Variants in DPP10 observed in about 807,000 individuals in gnomAD.
The protein encoded by DPP10 is dipeptidyl peptidase like 10, also known as inactive dipeptidyl peptidase 10.
Under a neutral mutation model 120.9 loss-of-function variants are expected in DPP10, and 33 were observed. The observed-to-expected ratio is 0.27, with a 90% CI of 0.21 to 0.37. The LOEUF is 0.37. Ranked by LOEUF, DPP10 falls within the 10% of genes least tolerant of loss-of-function variation. The pLI is 1.00. For synonymous variants in DPP10, 337 were observed against 326.1 expected, an observed-to-expected ratio of 1.03 and a Z score of -0.36; for missense variants, 816 against 942.8, an observed-to-expected ratio of 0.87 and a Z score of 1.76.
At chr2:114,771,009 G>A (rs770694037) in intron 1 of DPP10, among the ~76,000 whole-genome samples, 2 of 152,140 alleles carry the variant, frequency 1.3e-5, no homozygotes, top group Admixed American at 6.6e-5. Flanking sequence ...GGATATGAAT[G>A]TTATGTTTAA....
chr2:115,155,265 A>G (rs1019991786), intron 1 of DPP10, among the ~76,000 whole-genome samples: 3 of 152,184 alleles, frequency 2.0e-5, no homozygotes, highest in African/African-American at 7.2e-5. Flanking sequence ...GCAGTGAGAT[A>G]GACACTACAA....
rs377205655 is a variant in DPP10 at position 115,218,580 on chromosome 2, T to A, written c.61-90659T>A. 1.2e-3 allele frequency among the ~76,000 whole-genome samples: 182 copies of A among 152,274 alleles called. 1 individual carries two copies. Among genetic ancestry groups the A allele is most frequent in the African/African-American group, 4.1e-3 (170 of 41,580 alleles). On this transcript the variant is annotated intron_variant, in intron 1 of 25. Coordinates refer to ENST00000410059, the MANE Select transcript of DPP10 (RefSeq NM_020868.6). Reference sequence around the variant, plus strand: ...ATTTTGTACTTCAACAAGATCCTGTTCCATTCCAGTTCATTGCATCAGGCT... The same window carrying A: ...ATTTTGTACTTCAACAAGATCCTGTACCATTCCAGTTCATTGCATCAGGCT...
chr2:114,566,139 G>A (rs1002324916), intron 1 of DPP10, among the ~76,000 whole-genome samples: 8 of 152,146 alleles, frequency 5.3e-5, no homozygotes, highest in African/African-American at 1.9e-4. Context: ...ATTATCAGAA[G>A]CGTTTTTTCC....
At position 115,620,264 on chromosome 2, in the gene DPP10, A is replaced by G. The variant is rs181102216; in HGVS notation, c.442-69423A>G. Among the ~76,000 whole-genome samples the G allele has an allele frequency of 4.2e-3, 633 of 152,298 alleles. 2 individuals are homozygous for G. The highest frequency in any genetic ancestry group is 0.015 in the African/African-American group (607 of 41,558). ...TTACACACACGCCCACACATTATTTATGCTCAAAAGAATGATCTGTTATGA... is the reference window on the plus strand; with the variant it reads ...TTACACACACGCCCACACATTATTTGTGCTCAAAAGAATGATCTGTTATGA... On this transcript the variant is annotated intron_variant, in intron 5 of 25. Transcript: ENST00000410059.
At chr2:115,015,025 A>G (rs1702533932) in intron 1 of DPP10, among the ~76,000 whole-genome samples, 1 of 152,166 alleles carries the variant, frequency 6.6e-6, no homozygotes, top group Non-Finnish European at 1.5e-5. Context: ...TCCTGATACC[A>G]AAAACTAGCA....
At chr2:115,260,558 CAGTG>C (rs2059207683) in intron 1 of DPP10, among the ~76,000 whole-genome samples, 1 of 152,156 alleles carries the variant, frequency 6.6e-6, no homozygotes, top group Admixed American at 6.5e-5. Flanking sequence ...TTAAAAATCT[CAGTG>C]AGAAGTACTG....
chr2:115,242,331 A>G (rs2058324554), intron 1 of DPP10, among the ~76,000 whole-genome samples: 2 of 622 alleles, frequency 3.2e-3, no homozygotes, highest in Admixed American at 0.028. Context: ...AATGCCATTA[A>G]TTCACATTTT....
At chr2:115,484,007 A>T (rs2075610687) in intron 3 of DPP10, among the ~76,000 whole-genome samples, 1 of 152,034 alleles carries the variant, frequency 6.6e-6, no homozygotes, top group Admixed American at 6.6e-5. Flanking sequence ...AGACAAAATC[A>T]TTTTTCTCCA....
intron 5 of DPP10, among the ~76,000 whole-genome samples, chr2:115,672,654 T>TTCTTTC (rs1553475921): frequency 3.5e-5 from 2 of 57,008 alleles, no homozygotes; most frequent in East Asian, 1.0e-3. Context: ...CTCTCTCTCT[T>TTCTTTC]TCTTTCTTTC....
intron 2 of DPP10, among the ~76,000 whole-genome samples, chr2:115,316,010 T>TAA (rs1247891208): frequency 1.3e-5 from 2 of 152,216 alleles, no homozygotes; most frequent in Admixed American, 6.5e-5. Flanking sequence ...CTCATAATGT[T>TAA]AGAGTGTCCA....
chr2:115,458,371 CT>C (rs1306593256), intron 3 of DPP10, among the ~76,000 whole-genome samples: 3 of 152,076 alleles, frequency 2.0e-5, no homozygotes, highest in Non-Finnish European at 4.4e-5. Flanking sequence ...GATTCCATTT[CT>C]GTATTGAATT....
At chr2:115,450,817 C>A (rs1295715034) in intron 3 of DPP10, among the ~76,000 whole-genome samples, 2 of 151,814 alleles carry the variant, frequency 1.3e-5, no homozygotes, top group South Asian at 4.1e-4. Context: ...CTACATATAT[C>A]TCTCTCTTTC....
chr2:114,976,645 T>C (rs1456441068), intron 1 of DPP10, among the ~76,000 whole-genome samples: 1 of 152,216 alleles, frequency 6.6e-6, no homozygotes, highest in Non-Finnish European at 1.5e-5. Flanking sequence ...GAAAACAGCA[T>C]ACTTTTTCCC....
intron 7 of DPP10, among the ~76,000 whole-genome samples, chr2:115,700,106 ACT>A (rs1184273531): frequency 6.6e-6 from 1 of 152,144 alleles, no homozygotes; most frequent in East Asian, 1.9e-4. Context: ...GTTACCACAC[ACT>A]TTTAAACAAA....
chr2:114,832,117 C>T (rs946769878), intron 1 of DPP10, among the ~76,000 whole-genome samples: 3 of 151,998 alleles, frequency 2.0e-5, no homozygotes, highest in Non-Finnish European at 4.4e-5. Context: ...ATGAAATACT[C>T]AATGCTCTTC....
chr2:115,052,348 CT>C (rs1451868761), intron 1 of DPP10, among the ~76,000 whole-genome samples: 1 of 151,996 alleles, frequency 6.6e-6, no homozygotes, highest in African/African-American at 2.4e-5. Context: ...CAAAATTAAA[CT>C]TTTTATATAT....
intron 20 of DPP10, among the ~76,000 whole-genome samples, chr2:115,815,364 A>G (rs192392354): frequency 1.3e-5 from 2 of 152,326 alleles, no homozygotes; most frequent in Admixed American, 1.3e-4. Flanking sequence ...TAAGAAAGTT[A>G]GTGGGTTCTT....
In DPP10 at chr2:114,982,336, T is replaced by C. The variant is rs550871521; in HGVS notation, c.61-326903T>C. 2.9e-3 allele frequency among the ~76,000 whole-genome samples: 439 copies of C among 152,282 alleles called. 1 individual carries two copies. Among genetic ancestry groups the C allele is most frequent in the South Asian group, 5.4e-3 (26 of 4,828 alleles). The stretch of plus-strand genomic sequence containing the variant: ...CTACTATTTCAAGCAGTTATGCTAA[T>C]TTATTTTAGAGATTCTTCAACTCTT... On this transcript the variant is annotated intron_variant, in intron 1 of 25. Coordinates refer to ENST00000410059, the MANE Select transcript of DPP10 (RefSeq NM_020868.6).
intron 3 of DPP10, among the ~76,000 whole-genome samples, chr2:115,372,007 C>G (rs1190506709): frequency 6.6e-6 from 1 of 152,028 alleles, no homozygotes; most frequent in African/African-American, 2.4e-5. Flanking sequence ...ACTTTATATG[C>G]TAATTTTTCT....
Sources: allele counts gnomAD v4.1 joint callset (sites outside exome capture counted in the v4.1 genomes callset), GRCh38; gene constraint gnomAD v4.1.1; transcripts MANE v1.5; gene names NCBI Gene and HGNC (gene_info 2026-07-23, HGNC 2026-07-21).